Variants in CSMD1 observed in about 807,000 individuals in gnomAD.
CSMD1 encodes CUB and Sushi multiple domains 1.
CSMD1 carries 213 observed loss-of-function variants against 417.5 expected under a neutral mutation model. That is an observed-to-expected ratio of 0.51 (90% CI 0.46 to 0.57). The LOEUF (loss-of-function observed/expected upper bound fraction) is 0.57. CSMD1 is among the 20% of genes least tolerant of loss of function. CSMD1 has a pLI of 0.00. For synonymous variants in CSMD1, 2,862 were observed against 1,736.8 expected, an observed-to-expected ratio of 1.65 and a Z score of -16.11; for missense variants, 6,923 against 4,529.7, an observed-to-expected ratio of 1.53 and a Z score of -15.17.
At chr8:4,688,415 T>A (rs1806528638) in intron 1 of CSMD1, among the ~76,000 whole-genome samples, 1 of 152,176 alleles carries the variant, frequency 6.6e-6, no homozygotes. Flanking sequence ...ACACCTGCTA[T>A]ACCAAACCAA....
intron 23 of CSMD1, among the ~76,000 whole-genome samples, chr8:3,310,351 C>T (rs112277540): frequency 0.013 from 1,975 of 149,740 alleles, 40 homozygotes; most frequent in African/African-American, 0.045. Flanking sequence ...ACTGGGTTTG[C>T]GGGTTTGGAA....
In CSMD1 at chr8:2,942,589, T is replaced by C; in HGVS notation, c.10418A>G (p.Asp3473Gly). ...GTGGTAATGACTGGAAGAGTCTTGA[T>C]CTGGGTTTAAAGGATCTGTAAGATA... ...KLERQDPLNP[D>G]QDSSSHYHGT... The change falls in exon 69 of 70, where the codon GAT becomes GGT. Residue 3473 changes from aspartate to glycine, a missense_variant. Coordinates refer to ENST00000635120, the MANE Select transcript of CSMD1 (RefSeq NM_033225.6). 1.3e-6 allele frequency: 2 copies of C among 1,593,544 alleles called. No individual in the cohort carries two copies. The highest frequency in any genetic ancestry group is 2.3e-5 in the South Asian group (2 of 88,160).
intron 3 of CSMD1, among the ~76,000 whole-genome samples, chr8:4,180,585 A>T (rs1340780315): frequency 2.0e-5 from 3 of 152,006 alleles, no homozygotes; most frequent in East Asian, 1.9e-4. Context: ...AATAATAATT[A>T]AAAAAAGAAA....
intron 38 of CSMD1, among the ~76,000 whole-genome samples, chr8:3,158,777 C>T (rs577118423): frequency 6.6e-6 from 1 of 152,108 alleles, no homozygotes; most frequent in South Asian, 2.1e-4. Flanking sequence ...ACTCGGTGGC[C>T]TTATCAGCCA....
chr8:3,722,008 G>C (rs1203042613), intron 6 of CSMD1, among the ~76,000 whole-genome samples: 4 of 152,152 alleles, frequency 2.6e-5, no homozygotes, highest in African/African-American at 9.7e-5. Flanking sequence ...GTACACATGG[G>C]TGGAGTTGGC....
At chr8:4,146,957 G>A (rs1480401685) in intron 3 of CSMD1, among the ~76,000 whole-genome samples, 2 of 151,906 alleles carry the variant, frequency 1.3e-5, no homozygotes, top group Non-Finnish European at 2.9e-5. Flanking sequence ...ACCGGCATCA[G>A]GCATCTTCAT....
chr8:4,561,540 G>C (rs1041387724), intron 2 of CSMD1, among the ~76,000 whole-genome samples: 1 of 152,124 alleles, frequency 6.6e-6, no homozygotes, highest in Non-Finnish European at 1.5e-5. Flanking sequence ...AAATTAGCCA[G>C]CCATGGTGGC....
At chr8:4,945,688 C>A (rs950177864) in intron 1 of CSMD1, among the ~76,000 whole-genome samples, 3 of 151,918 alleles carry the variant, frequency 2.0e-5, no homozygotes, top group African/African-American at 7.3e-5. Flanking sequence ...GAGAACTTGG[C>A]ATTAACAAAG....
chr8:3,561,273 C>G (rs537719151), intron 10 of CSMD1, among the ~76,000 whole-genome samples: 4 of 152,322 alleles, frequency 2.6e-5, no homozygotes, highest in African/African-American at 7.2e-5. Flanking sequence ...CTCAGCAATT[C>G]TACTACTAGG....
chr8:3,212,149 C>G (rs1433862483), intron 30 of CSMD1, among the ~76,000 whole-genome samples: 1 of 152,192 alleles, frequency 6.6e-6, no homozygotes, highest in African/African-American at 2.4e-5. Context: ...CTCCCTCACC[C>G]ATGAGCACGC....
At chr8:4,886,993 T>C (rs1308855974) in intron 1 of CSMD1, among the ~76,000 whole-genome samples, 1 of 152,076 alleles carries the variant, frequency 6.6e-6, no homozygotes, top group Non-Finnish European at 1.5e-5. Context: ...GCTCAACTCT[T>C]ATATATTTCC....
At chr8:4,047,842 A>T (rs917569720) in intron 3 of CSMD1, among the ~76,000 whole-genome samples, 1 of 152,186 alleles carries the variant, frequency 6.6e-6, no homozygotes, top group African/African-American at 2.4e-5. Flanking sequence ...TTGAAAAAAA[A>T]TATGAAGTAG....
intron 21 of CSMD1, among the ~76,000 whole-genome samples, chr8:3,358,569 G>T (rs560207703): frequency 4.6e-4 from 70 of 152,062 alleles, no homozygotes; most frequent in African/African-American, 1.7e-3. Flanking sequence ...GTACTTCATG[G>T]CAAAGTACCG....
chr8:4,897,429 C>T (rs1212291372), intron 1 of CSMD1, among the ~76,000 whole-genome samples: 1 of 152,002 alleles, frequency 6.6e-6, no homozygotes, highest in Non-Finnish European at 1.5e-5. Flanking sequence ...ACCAAGAAAA[C>T]AAGTGACTCT....
Position 4,032,061 on chromosome 8 carries a change from G to C in CSMD1, c.454C>G (p.Leu152Val), listed in dbSNP as rs758046817. Residue 152 changes from leucine to valine, a missense_variant, in exon 4 of 70, where the codon CTG becomes GTG. Coordinates refer to ENST00000635120, the MANE Select transcript of CSMD1 (RefSeq NM_033225.6). ...SHTCGNPGEI[L>V]KGVLHGTRFN... The stretch of plus-strand genomic sequence containing the variant: ...CTCGTTCCATGCAGAACTCCTTTCA[G>C]GATTTCTCCAGGATTTCCACAAGTG... The C allele has an allele frequency of 5.6e-6, 9 of 1,613,346 alleles. No homozygotes were observed. The highest frequency in any genetic ancestry group is 1.7e-5 in the Admixed American group (1 of 59,976).
At chr8:2,964,841 A>T (rs111588610) in intron 59 of CSMD1, among the ~76,000 whole-genome samples, 1 of 152,166 alleles carries the variant, frequency 6.6e-6, no homozygotes, top group Admixed American at 6.5e-5. Context: ...ATTTTTGAGC[A>T]TTCAGGTCAC....
chr8:3,976,954 T>C (rs1020200109), intron 5 of CSMD1, among the ~76,000 whole-genome samples: 2 of 152,178 alleles, frequency 1.3e-5, no homozygotes, highest in African/African-American at 4.8e-5. Context: ...TCACAGGGCA[T>C]AGTACACATG....
rs116129089 is a variant in CSMD1, at chr8:4,085,116, C to G, written c.416-53017G>C. ...GGGAATATTGGTCCAACCAGTTGGA[C>G]AACCCTGAGGCTGAGATGTCACCGG... On this transcript the variant is annotated intron_variant, in intron 3 of 69. Coordinates refer to ENST00000635120, the MANE Select transcript of CSMD1 (RefSeq NM_033225.6). Among the ~76,000 whole-genome samples the G allele has an allele frequency of 4.0e-3, 609 of 152,256 alleles. 2 individuals are homozygous for G. Among genetic ancestry groups the G allele is most frequent in the African/African-American group, 0.014 (586 of 41,556 alleles).
intron 16 of CSMD1, among the ~76,000 whole-genome samples, chr8:3,397,465 G>A (rs1171484103): frequency 6.6e-6 from 1 of 152,180 alleles, no homozygotes. Context: ...TGCAACTAGT[G>A]AATGTGGTAC....
Sources: gnomAD v4.1 joint callset for allele counts (sites outside exome capture counted in the v4.1 genomes callset) on GRCh38, gnomAD v4.1.1 for gene constraint, MANE v1.5 for transcripts, NCBI Gene and HGNC (gene_info 2026-07-23, HGNC 2026-07-21) for gene names.